ZNF33B: variants seen among roughly 807,000 people sequenced by gnomAD.
ZNF33B encodes zinc finger protein 11b (KOX 2).
Under a neutral mutation model 45.8 loss-of-function variants are expected in ZNF33B, and 29 were observed. The ratio of observed to expected loss-of-function variants is 0.63; its 90% CI spans 0.47 to 0.86. The LOEUF (loss-of-function observed/expected upper bound fraction) is 0.86, where lower values mean the gene tolerates loss of function less well. ZNF33B is among the 40% of genes least tolerant of loss of function. The probability of loss-of-function intolerance (pLI) is 0.00; values close to 1 mark genes in which losing one functional copy is unlikely to be tolerated. For missense variants in ZNF33B, 831 were observed against 909.9 expected, an observed-to-expected ratio of 0.91 and a Z score of 1.12; for synonymous variants, 305 against 307.8, an observed-to-expected ratio of 0.99 and a Z score of 0.10.
rs1426360185 is a variant in ZNF33B at position 42,638,557 on chromosome 10, A to G, written c.-128T>C. On this transcript the variant is annotated 5_prime_UTR_variant, in exon 1 of 5. Transcript: ENST00000359467. ...GGGACCGCCTCCCACGCAAAACGTGAGACAAACAAAAGGAAAGGCGGAAAC... is the reference window on the plus strand; with the variant it reads ...GGGACCGCCTCCCACGCAAAACGTGGGACAAACAAAAGGAAAGGCGGAAAC... 14 of 476,856 alleles carry G rather than the reference A, an allele frequency of 2.9e-5. No homozygotes were observed. Among genetic ancestry groups the G allele is most frequent in the Non-Finnish European group, 5.9e-5 (14 of 238,780 alleles). 29.5% of individuals were successfully genotyped at this position (476,856 alleles called of 1,614,324 possible). A position where few individuals can be genotyped will look rare whatever the true frequency, so the allele number is the denominator to read the frequency against.
intron 1 of ZNF33B, chr10:42,583,369 C>A: frequency 2.7e-6 from 1 of 373,628 alleles, no homozygotes; most frequent in South Asian, 2.5e-5. Flanking sequence ...TTCCAGAATC[C>A]AGAATCTAGG....
intron 1 of ZNF33B, chr10:42,583,021 G>C (rs11239688): frequency 0.01 from 7,786 of 771,124 alleles, 264 homozygotes; most frequent in East Asian, 0.062. Flanking sequence ...GAAGGCCATT[G>C]ATCTTCCAGT....
Position 42,591,106 on chromosome 10 carries a change from T to G in ZNF33B, c.*1507A>C, listed in dbSNP as rs567779468. ...AATAAAAGCCCCATGCCAGCTTGAT[T>G]CTGGCTCTTCTCCAGCCTCAACCCT... is the stretch of plus-strand genomic sequence containing the variant. On this transcript the variant is annotated 3_prime_UTR_variant, in exon 5 of 5. Coordinates refer to ENST00000359467, the MANE Select transcript of ZNF33B (RefSeq NM_006955.3). The G allele has an allele frequency of 3.6e-6, 1 of 275,322 alleles. No individual in the cohort carries two copies. Among genetic ancestry groups the G allele is most frequent in the South Asian group, 1.4e-4 (1 of 7,114 alleles). The allele number at this position is 275,322 out of a possible 1,614,324, so 17.1% of individuals were successfully genotyped here.
At chr10:42,586,094 A>G (rs1211284604), downstream of ZNF33B, among the ~76,000 whole-genome samples, 7 of 151,342 alleles carry the variant, frequency 4.6e-5, no homozygotes. Flanking sequence ...TAGGGTGTGC[A>G]TACTCCAAAC....
rs1837284846 is a variant in ZNF33B at position 42,594,111 on chromosome 10, C to T, written c.839G>A (p.Cys280Tyr). ...GGACTTCACACATAAGAACTTCTCA[C>T]AATCACTAAATTCATAGTGACTGTC... ...SKDSHYEFSDCEKFLCVKSTL... is the reference protein window; with the variant it reads ...SKDSHYEFSDYEKFLCVKSTL... Residue 280 changes from cysteine to tyrosine, a missense_variant, in exon 5 of 5, where the codon TGT becomes TAT. Transcript: ENST00000359467. 11 of 1,613,996 alleles carry T rather than the reference C, an allele frequency of 6.8e-6. No individual in the cohort carries two copies. Among genetic ancestry groups the T allele is most frequent in the Non-Finnish European group, 9.3e-6 (11 of 1,179,948 alleles).
Position 42,593,926 on chromosome 10 carries a change from A to G in ZNF33B, c.1024T>C (p.Ser342Pro). ...ACCCTCTGATGTCGAGTGAGATGTG[A>G]CTTCTCCCAGAAAGCTTTCCCACAT... is the stretch of plus-strand genomic sequence containing the variant. ...NECGKAFWEK[S>P]HLTRHQRVHT... Residue 342 changes from serine (S) to proline (P), a missense_variant, in exon 5 of 5, where the codon TCA becomes CCA. By Grantham distance (74) the Ser-to-Pro change is moderately conservative. Transcript: ENST00000359467. 1 of 1,614,086 alleles carries G rather than the reference A, an allele frequency of 6.2e-7. No individual in the cohort carries two copies. The highest frequency in any genetic ancestry group is 1.1e-5 in the South Asian group (1 of 91,074).
intron 1 of ZNF33B, among the ~76,000 whole-genome samples, chr10:42,581,060 T>A: frequency 6.6e-6 from 1 of 152,098 alleles, no homozygotes; most frequent in East Asian, 1.9e-4. Context: ...GGGTTTTATA[T>A]CAAATGCTAT....
chr10:42,638,295 G>A (rs1839432631), intron 1 of ZNF33B, among the ~76,000 whole-genome samples, 179 bp downstream of exon 1: 1 of 152,396 alleles, frequency 6.6e-6, no homozygotes, highest in Non-Finnish European at 1.5e-5. Flanking sequence ...CCCTACAGAG[G>A]CTGCGCCTTA....
intron 1 of ZNF33B, chr10:42,583,172 T>C (rs1368287399): frequency 1.3e-6 from 1 of 770,922 alleles, no homozygotes. Context: ...ATGTCTGTCT[T>C]AGGGTTGATG....
chr10:42,593,767 T>C lies in ZNF33B; in HGVS notation c.1183A>G (p.Ser395Gly). 2 of 1,613,814 alleles carry C rather than the reference T, an allele frequency of 1.2e-6. No homozygotes were observed. Among genetic ancestry groups the C allele is most frequent in the Non-Finnish European group, 1.7e-6 (2 of 1,179,878 alleles). Residue 395 changes from serine (S) to glycine (G), a missense_variant, in exon 5 of 5, where the codon AGC (serine) becomes GGC (glycine). Ser to Gly is a moderately conservative substitution (Grantham distance 56). Coordinates refer to ENST00000359467, the MANE Select transcript of ZNF33B (RefSeq NM_006955.3). ...TGTAATGTGAGGGCTGACTTATGGCTAAAGGCTTTCCCACATTCATTGCAT... is the reference window on the plus strand; with the variant it reads ...TGTAATGTGAGGGCTGACTTATGGCCAAAGGCTTTCCCACATTCATTGCAT... ...FECNECGKAFSHKSALTLHQR... is the reference protein window; with the variant it reads ...FECNECGKAFGHKSALTLHQR...
At chr10:42,580,385 T>C (rs1836806655) in intron 1 of ZNF33B, among the ~76,000 whole-genome samples, 1 of 151,928 alleles carries the variant, frequency 6.6e-6, no homozygotes, top group South Asian at 2.1e-4. Context: ...GGATTACAGG[T>C]ATGTGCCACA....
chr10:42,619,537 G>C (rs990932121), intron 4 of ZNF33B, among the ~76,000 whole-genome samples: 1 of 152,092 alleles, frequency 6.6e-6, no homozygotes, highest in Non-Finnish European at 1.5e-5. Flanking sequence ...ACTCAAATCT[G>C]GAGGAAAAAA....
intron 4 of ZNF33B, among the ~76,000 whole-genome samples, chr10:42,596,290 A>AT (rs1208496510): frequency 6.6e-6 from 1 of 152,068 alleles, no homozygotes; most frequent in East Asian, 1.9e-4. Flanking sequence ...TATCTTAATA[A>AT]AACTACTAGA....
chr10:42,614,534 A>G (rs1227554261), intron 4 of ZNF33B, among the ~76,000 whole-genome samples: 1 of 152,260 alleles, frequency 6.6e-6, no homozygotes, highest in Non-Finnish European at 1.5e-5. Flanking sequence ...TATGTTAATA[A>G]CAGCAGAAAC....
At chr10:42,635,523 T>C (rs1464346618) in intron 2 of ZNF33B, among the ~76,000 whole-genome samples, 3 of 152,150 alleles carry the variant, frequency 2.0e-5, no homozygotes, top group Non-Finnish European at 2.9e-5. Flanking sequence ...GCTACACATG[T>C]AGAAATAAGA....
chr10:42,575,480 C>T (rs989595181), intron 1 of ZNF33B, among the ~76,000 whole-genome samples: 9 of 152,014 alleles, frequency 5.9e-5, no homozygotes, highest in African/African-American at 7.2e-5. Context: ...TTTAACCCCC[C>T]AGTTTATGGT....
chr10:42,581,212 G>T (rs906705296), intron 1 of ZNF33B, among the ~76,000 whole-genome samples: 7 of 151,988 alleles, frequency 4.6e-5, no homozygotes, highest in Admixed American at 3.3e-4. Context: ...CGGGCTGGGG[G>T]CAGTGGTTCA....
At chr10:42,621,930 G>A (rs1838609886) in intron 4 of ZNF33B, among the ~76,000 whole-genome samples, 1 of 152,142 alleles carries the variant, frequency 6.6e-6, no homozygotes, top group Non-Finnish European at 1.5e-5. Context: ...TAATCCTAAA[G>A]ATAGATCATA....
rs773568656 is a variant in ZNF33B, at chr10:42,593,696, A to C, written c.1254T>G (p.Cys418Trp). ...CAGATTTCTGGTAAAAAGTTTTCCC[A>C]CATGCATTACACTGATAGGGTTTCT... ...TGEKPYQCNA[C>W]GKTFYQKSDL... is the part of the protein sequence containing the mutation. The change falls in exon 5 of 5, where the codon TGT becomes TGG. Residue 418 changes from cysteine (C) to tryptophan (W), a missense_variant. Physicochemically the swap from Cys to Trp is radical, Grantham distance 215 (BLOSUM62 -2). Transcript: ENST00000359467. The C allele has an allele frequency of 1.9e-6, 3 of 1,613,552 alleles. No homozygotes were observed. The highest frequency in any genetic ancestry group is 1.3e-5 in the African/African-American group (1 of 74,956).
Sources: allele counts gnomAD v4.1 joint callset (sites outside exome capture counted in the v4.1 genomes callset), GRCh38; gene constraint gnomAD v4.1.1; transcripts MANE v1.5; gene names NCBI Gene and HGNC (gene_info 2026-07-23, HGNC 2026-07-21).